The following NT5C2 variants were observed in gnomAD, a reference collection of about 807,000 sequenced individuals.
The protein encoded by NT5C2 is cytosolic purine 5'-nucleotidase.
Under a neutral mutation model 76.1 loss-of-function variants are expected in NT5C2, and 58 were observed. The ratio of observed to expected loss-of-function variants is 0.76; its 90% CI spans 0.62 to 0.95. The LOEUF is 0.95. Ranked by LOEUF, NT5C2 falls within the 40% of genes least tolerant of loss-of-function variation. NT5C2 has a pLI of 0.00. For missense variants in NT5C2, 478 were observed against 690.3 expected, an observed-to-expected ratio of 0.69 and a Z score of 3.45; for synonymous variants, 229 against 237.4, an observed-to-expected ratio of 0.96 and a Z score of 0.32.
chr10:103,189,000 T>G (rs1591945407), intron 1 of NT5C2, among the ~76,000 whole-genome samples: 4 of 149,314 alleles, frequency 2.7e-5, no homozygotes, highest in African/African-American at 9.9e-5. Flanking sequence ...AGACTCCGTC[T>G]CGGAAAAAAA....
Position 103,089,540 on chromosome 10 carries a change from A to C in NT5C2, c.*132T>G. The C allele has an allele frequency of 7.1e-7, 1 of 1,412,532 alleles. No homozygotes were observed. The highest frequency in any genetic ancestry group is 9.3e-7 in the Non-Finnish European group (1 of 1,077,856). The allele number at this position is 1,412,532 out of a possible 1,614,324, so 87.5% of individuals were successfully genotyped here. On this transcript the variant is annotated 3_prime_UTR_variant, in exon 19 of 19. Transcript: ENST00000404739. Reference sequence around the variant, plus strand: ...AAGTATCTATGATAATAAAATCTTCAGAAACTTTTCAGACGTACCTTTCAT... The same window carrying C: ...AAGTATCTATGATAATAAAATCTTCCGAAACTTTTCAGACGTACCTTTCAT...
At chr10:103,165,840 T>C (rs1210538841) in intron 3 of NT5C2, among the ~76,000 whole-genome samples, 1 of 152,142 alleles carries the variant, frequency 6.6e-6, no homozygotes, top group South Asian at 2.1e-4. Context: ...CCTGGCTAAT[T>C]TGTATTTTTA....
intron 3 of NT5C2, among the ~76,000 whole-genome samples, chr10:103,165,812 C>T (rs1346448666): frequency 6.6e-6 from 1 of 152,158 alleles, no homozygotes; most frequent in East Asian, 1.9e-4. Context: ...GCTGGGATTA[C>T]AGGCATGTAC....
chr10:103,144,559 G>T (rs776815330), intron 3 of NT5C2, among the ~76,000 whole-genome samples: 1 of 152,128 alleles, frequency 6.6e-6, no homozygotes, highest in Non-Finnish European at 1.5e-5. Flanking sequence ...AGGATTCAAA[G>T]ATTATAATGT....
intron 3 of NT5C2, among the ~76,000 whole-genome samples, chr10:103,163,293 A>G (rs1591631529): frequency 6.6e-6 from 1 of 152,318 alleles, no homozygotes; most frequent in East Asian, 1.9e-4. Flanking sequence ...TAGGGTAAAT[A>G]TCTAGGAGTG....
intron 18 of NT5C2, 120 bp downstream of exon 18, chr10:103,090,491 C>T: frequency 1.2e-6 from 1 of 838,588 alleles, no homozygotes; most frequent in East Asian, 2.7e-5. Flanking sequence ...ATATAACCTG[C>T]CCCTGGGCTC....
chr10:103,177,243 TA>T (rs1295628607), intron 2 of NT5C2, among the ~76,000 whole-genome samples: 28 of 152,312 alleles, frequency 1.8e-4, no homozygotes, highest in Non-Finnish European at 4.0e-4. Context: ...AGGAATAAAC[TA>T]AAACATTCCA....
intron 4 of NT5C2, among the ~76,000 whole-genome samples, chr10:103,118,633 C>T (rs915532848): frequency 6.6e-6 from 1 of 152,122 alleles, no homozygotes; most frequent in African/African-American, 2.4e-5. Context: ...GCATTAATTA[C>T]AGGAATAAGC....
At chr10:103,140,970 G>A (rs796877310) in intron 3 of NT5C2, among the ~76,000 whole-genome samples, 10 of 152,168 alleles carry the variant, frequency 6.6e-5, no homozygotes, top group African/African-American at 2.4e-4. Context: ...CCAATCCATA[G>A]GCTGCCTTTT....
intron 3 of NT5C2, among the ~76,000 whole-genome samples, chr10:103,158,829 A>G (rs2084054534): frequency 6.6e-6 from 1 of 151,896 alleles, no homozygotes; most frequent in Non-Finnish European, 1.5e-5. Flanking sequence ...AAAAAAAAAA[A>G]AAAAGAAGAA....
chr10:103,147,605 T>G (rs913653808), intron 3 of NT5C2, among the ~76,000 whole-genome samples: 2 of 152,204 alleles, frequency 1.3e-5, no homozygotes, highest in Non-Finnish European at 2.9e-5. Context: ...CCTTCAAAAT[T>G]CCCTGTTTTG....
chr10:103,187,831 C>T (rs2092228052), intron 1 of NT5C2, among the ~76,000 whole-genome samples: 1 of 152,058 alleles, frequency 6.6e-6, no homozygotes, highest in South Asian at 2.1e-4. Flanking sequence ...TAGTCAAATA[C>T]ATGTACTACT....
intron 4 of NT5C2, among the ~76,000 whole-genome samples, chr10:103,115,326 C>A (rs554699973): frequency 6.6e-6 from 1 of 151,830 alleles, no homozygotes; most frequent in African/African-American, 2.4e-5. Flanking sequence ...TGCTTGAACC[C>A]GGGAGGCGGA....
intron 4 of NT5C2, among the ~76,000 whole-genome samples, chr10:103,116,465 T>C (rs1328442829): frequency 3.3e-5 from 5 of 152,226 alleles, no homozygotes; most frequent in Non-Finnish European, 7.3e-5. Flanking sequence ...GTTCCTTTAA[T>C]TACTGCTTAA....
rs1244653844 is a variant in NT5C2 at position 103,089,767 on chromosome 10, T to C, written c.1591A>G (p.Ile531Val). The change falls in exon 19 of 19, where the codon ATT becomes GTT. Residue 531 changes from isoleucine (I) to valine (V), a missense_variant. Physicochemically the swap from Ile to Val is conservative, Grantham distance 29 (BLOSUM62 3). Transcript: ENST00000404739. ...AGTGGGAAGAGGTTGGGAGGTTTAA[T>C]CTCACTAATTGACCGTGTCAGCTGG... ...RHQLTRSISE[I>V]KPPNLFPLAP... 3 of 1,613,936 alleles carry C rather than the reference T, an allele frequency of 1.9e-6. No homozygotes were observed. The highest frequency in any genetic ancestry group is 1.7e-5 in the Admixed American group (1 of 59,992).
At position 103,098,957 on chromosome 10, in the gene NT5C2, T is replaced by A. The variant is rs2068866642; in HGVS notation, c.661A>T (p.Asn221Tyr). Residue 221 changes from asparagine (N) to tyrosine (Y), a missense_variant, in exon 10 of 19, where the codon AAT (asparagine) becomes TAT (tyrosine). Transcript: ENST00000404739. ...KGSLKEKTVE[N>Y]LEKYVVKDGK... is the part of the protein sequence containing the mutation. Reference sequence around the variant, plus strand: ...TCTTTGACTACATACTTCTCAAGATTTTCAACTGTCTTTTCCTTAAGGGAG... The same window carrying A: ...TCTTTGACTACATACTTCTCAAGATATTCAACTGTCTTTTCCTTAAGGGAG... 6.2e-7 allele frequency: 1 copy of A among 1,608,288 alleles called. No individual in the cohort carries two copies. Among genetic ancestry groups the A allele is most frequent in the African/African-American group, 1.3e-5 (1 of 74,822 alleles).
At chr10:103,110,636 T>G (rs2072772136) in intron 4 of NT5C2, among the ~76,000 whole-genome samples, 1 of 152,182 alleles carries the variant, frequency 6.6e-6, no homozygotes, top group Non-Finnish European at 1.5e-5. Context: ...GGGAATGGAT[T>G]TAATAAAGAG....
At chr10:103,172,493 C>T (rs1268406268) in intron 3 of NT5C2, among the ~76,000 whole-genome samples, 1 of 151,592 alleles carries the variant, frequency 6.6e-6, no homozygotes, top group Non-Finnish European at 1.5e-5. Context: ...GTGATCCACC[C>T]GCCTCGGCCT....
chr10:103,174,095 CAAAAAAAAAAAA>C (rs59543748), intron 3 of NT5C2, among the ~76,000 whole-genome samples: 4 of 81,282 alleles, frequency 4.9e-5, no homozygotes, highest in African/African-American at 1.8e-4. Flanking sequence ...GACTCCGTCT[CAAAAAAAAAAAA>C]AAAAAAAATT....
Sources: allele counts gnomAD v4.1 joint callset (sites outside exome capture counted in the v4.1 genomes callset), GRCh38; gene constraint gnomAD v4.1.1; transcripts MANE v1.5; gene names NCBI Gene and HGNC (gene_info 2026-07-23, HGNC 2026-07-21).